Variants in CENPT observed in about 807,000 individuals in gnomAD.
The protein encoded by CENPT is interphase centromere complex protein 22.
A neutral mutation model predicts 59.7 loss-of-function variants in CENPT; 42 were observed. The observed-to-expected ratio is 0.70, with a 90% CI of 0.55 to 0.91. The LOEUF (loss-of-function observed/expected upper bound fraction) is 0.91, where lower values mean the gene tolerates loss of function less well. Ranked by LOEUF, CENPT falls within the 40% of genes least tolerant of loss-of-function variation. The probability of loss-of-function intolerance (pLI) is 0.00; values close to 1 mark genes in which losing one functional copy is unlikely to be tolerated. For missense variants in CENPT, 716 were observed against 713.4 expected (o/e 1.00, Z -0.04); for synonymous variants, 295 against 289.6 (o/e 1.02, Z -0.19).
intron 1 of CENPT, among the ~76,000 whole-genome samples, chr16:67,841,085 C>T (rs1390811343): frequency 7.1e-6 from 1 of 141,138 alleles, no homozygotes; most frequent in African/African-American, 2.6e-5. Flanking sequence ...GTCCCAGCTA[C>T]TCCGGAGGCT....
intron 1 of CENPT, among the ~76,000 whole-genome samples, chr16:67,836,519 C>T (rs2057735634): frequency 6.6e-6 from 1 of 150,840 alleles, no homozygotes; most frequent in South Asian, 2.1e-4. Flanking sequence ...TCACTGCAAC[C>T]TCTGCCTCCT....
At chr16:67,847,130 A>C (rs1261297801) in intron 1 of CENPT, 1 of 129,750 alleles carries the variant, frequency 7.7e-6, no homozygotes, top group African/African-American at 2.9e-5. Context: ...GGCCCGGGCC[A>C]TGTGTCGCGC....
intron 1 of CENPT, chr16:67,846,928 C>G (rs2057804530): frequency 6.6e-6 from 1 of 152,462 alleles, no homozygotes; most frequent in Non-Finnish European, 1.5e-5. Context: ...AAGGGACAGT[C>G]GGCCGCAGAC....
chr16:67,839,707 T>C (rs1391432563), intron 1 of CENPT, among the ~76,000 whole-genome samples: 2 of 151,828 alleles, frequency 1.3e-5, no homozygotes, highest in African/African-American at 4.8e-5. Context: ...ACCCTGTCTC[T>C]ACTAAAAGTA....
At chr16:67,840,951 C>T (rs557636871) in intron 1 of CENPT, among the ~76,000 whole-genome samples, 6 of 149,462 alleles carry the variant, frequency 4.0e-5, no homozygotes, top group East Asian at 3.9e-4. Context: ...CCTGAGCTCA[C>T]GAGTTCGAGA....
Position 67,830,122 on chromosome 16 carries a change from G to A in CENPT, c.863-34C>T, listed in dbSNP as rs757932809. On this transcript the variant is annotated intron_variant, in intron 11 of 15. Coordinates refer to ENST00000562787, the MANE Select transcript of CENPT (RefSeq NM_025082.4). ...AGGGGAGAGAATACAGGCCGGAGAC[G>A]CAGCAGGCCAAGGCTGCATAGCTCA... The A allele has an allele frequency of 1.6e-5, 25 of 1,595,986 alleles. No homozygotes were observed. The African/African-American group carries it at 1.6e-4, about 10-fold the overall frequency.
At chr16:67,841,156 T>TTGCACTCC (rs1277794599) in intron 1 of CENPT, among the ~76,000 whole-genome samples, 1 of 124,470 alleles carries the variant, frequency 8.0e-6, no homozygotes, top group East Asian at 2.2e-4. Context: ...GATCTCACCA[T>TTGCACTCC]TGCACTCCAG....
At position 67,847,646 on chromosome 16, in the gene CENPT, G is replaced by C. The variant is rs1380567491; in HGVS notation, c.-737C>G. 6 of 152,560 alleles carry C rather than the reference G, an allele frequency of 3.9e-5. No individual in the cohort carries two copies. The highest frequency in any genetic ancestry group is 3.3e-4 in the Admixed American group (5 of 15,312). The allele number at this position is 152,560 out of a possible 1,614,324, so 9.5% of individuals were successfully genotyped here. On this transcript the variant is annotated 5_prime_UTR_variant, in exon 1 of 16. Coordinates refer to ENST00000562787, the MANE Select transcript of CENPT (RefSeq NM_025082.4). ...GGCAGGGTCAGGGAATATGAGGCGG[G>C]AGGGGATTCCACGGGAGACTTTATC...
intron 1 of CENPT, among the ~76,000 whole-genome samples, chr16:67,841,006 AATACAT>A (rs1192980120): frequency 3.0e-5 from 2 of 66,458 alleles, no homozygotes; most frequent in Non-Finnish European, 4.9e-5. Flanking sequence ...CTAAATACAA[AATACAT>A]ATATATATAT....
At chr16:67,846,612 CCCCAGTGCACAGACTGGGCGGGG>C (rs1234871938) in intron 1 of CENPT, 3 of 152,346 alleles carry the variant, frequency 2.0e-5, no homozygotes. Context: ...CCAACCCCCA[CCCCAGTGCACAGACTGGGCGGGG>C]CCGAGCCAGC....
intron 4 of CENPT, 88 bp downstream of exon 4, chr16:67,833,661 CT>C (rs2057714448): frequency 1.3e-6 from 1 of 784,008 alleles, no homozygotes; most frequent in East Asian, 3.4e-5. Flanking sequence ...CAGTTTTCCT[CT>C]TCGAACAGAG....
chr16:67,832,697 C>T (rs1001837214), intron 4 of CENPT, 152 bp from the exon 5 acceptor site: 3 of 647,636 alleles, frequency 4.6e-6, no homozygotes, highest in Non-Finnish European at 8.0e-6. Flanking sequence ...CCCCTGTTCC[C>T]AGCCCTATGT....
At chr16:67,841,488 T>C (rs1264823407) in intron 1 of CENPT, 1 of 152,222 alleles carries the variant, frequency 6.6e-6, no homozygotes, top group Non-Finnish European at 1.5e-5. Context: ...ACCCAAGCTT[T>C]CGTTCGTTTT....
chr16:67,832,659 AC>A, intron 4 of CENPT, 114 bp from the exon 5 acceptor site: 1 of 852,458 alleles, frequency 1.2e-6, no homozygotes, highest in Non-Finnish European at 1.8e-6. Flanking sequence ...AGGGCTAGGG[AC>A]CCAGAAACCA....
rs1173806786 is a variant in CENPT, at chr16:67,835,313, G to A, written c.-370-13C>T. On this transcript the variant is annotated splice_polypyrimidine_tract_variant and intron_variant, in intron 2 of 15. Coordinates refer to ENST00000562787, the MANE Select transcript of CENPT (RefSeq NM_025082.4). ...CCCAGAATCTGCACTGAGATCAAGT[G>A]TAAATTATCAGATACCTGAGACAAG... is the stretch of plus-strand genomic sequence containing the variant. 6.6e-6 allele frequency: 1 copy of A among 152,104 alleles called. No individual in the cohort carries two copies. The highest frequency in any genetic ancestry group is 2.4e-5 in the African/African-American group (1 of 41,408). The allele number at this position is 152,104 out of a possible 1,614,324, so 9.4% of individuals were successfully genotyped here.
chr16:67,842,920 A>AGCAGCAGCAGCAG lies in CENPT; in HGVS notation c.-492+4480_-492+4481insCTGCTGCTGCTGC. 6.3e-7 allele frequency: 1 copy of AGCAGCAGCAGCAG among 1,579,582 alleles called. No individual in the cohort carries two copies. The highest frequency in any genetic ancestry group is 2.3e-5 in the East Asian group (1 of 43,922). On this transcript the variant is annotated intron_variant, in intron 1 of 15. Coordinates refer to ENST00000562787, the MANE Select transcript of CENPT (RefSeq NM_025082.4). The surrounding 1 kb of genome is among the most constrained non-coding windows in gnomAD (Gnocchi z 4.9). ...AGCAGCAACAGCAGCAGCAGCAGCA[A>AGCAGCAGCAGCAG]CAGCAGCAGCAGCAGCAGCAGCAGC...
At chr16:67,830,247 A>G (rs1267425239) in intron 11 of CENPT, 143 bp downstream of exon 11, 1 of 1,255,018 alleles carries the variant, frequency 8.0e-7, no homozygotes, top group South Asian at 1.3e-5. Flanking sequence ...TCCTGGCCCA[A>G]CATGGACTCT....
At chr16:67,831,001 G>T in intron 10 of CENPT, 1 of 650,066 alleles carries the variant, frequency 1.5e-6, no homozygotes, top group South Asian at 1.8e-5. Context: ...CAGCCCTATA[G>T]TCTAAGGATA....
chr16:67,843,578 A>G lies in CENPT; in HGVS notation c.-492+3823T>C. ...GCAGGCCATTGTTGAACTCCTCTAT[A>G]CTCCTGGGCACTGGTTGACAGTACT... is the stretch of plus-strand genomic sequence containing the variant. On this transcript the variant is annotated intron_variant, in intron 1 of 15. Coordinates refer to ENST00000562787, the MANE Select transcript of CENPT (RefSeq NM_025082.4). The surrounding 1 kb of genome is among the most constrained non-coding windows in gnomAD (Gnocchi z 5.7). The G allele has an allele frequency of 1.4e-6, 2 of 1,390,758 alleles. No homozygotes were observed. The highest frequency in any genetic ancestry group is 1.4e-5 in the African/African-American group (1 of 69,548). 86.2% of individuals were successfully genotyped at this position (1,390,758 alleles called of 1,614,324 possible). A position where few individuals can be genotyped will look rare whatever the true frequency, so the allele number is the denominator to read the frequency against.
Sources: allele counts gnomAD v4.1 joint callset (sites outside exome capture counted in the v4.1 genomes callset), GRCh38; gene constraint gnomAD v4.1.1; non-coding constraint Gnocchi (gnomAD v3.1); transcripts MANE v1.5; gene names NCBI Gene and HGNC (gene_info 2026-07-23, HGNC 2026-07-21).